The following MLLT3 variants were observed in gnomAD, a reference collection of about 807,000 sequenced individuals.
MLLT3 encodes protein AF-9.
A neutral mutation model predicts 53.2 loss-of-function variants in MLLT3; 4 were observed. The ratio of observed to expected loss-of-function variants is 0.08; its 90% CI spans 0.04 to 0.17. The LOEUF (loss-of-function observed/expected upper bound fraction) is 0.17, where lower values mean the gene tolerates loss of function less well. Ranked by LOEUF, MLLT3 falls within the 10% of genes least tolerant of loss-of-function variation. The pLI is 1.00. For synonymous variants in MLLT3, 283 were observed against 230.6 expected, an observed-to-expected ratio of 1.23 and a Z score of -2.06; for missense variants, 569 against 684.0, an observed-to-expected ratio of 0.83 and a Z score of 1.87.
In MLLT3 at chr9:20,345,615, T is replaced by C. The variant is rs1820846665; in HGVS notation, c.*828A>G. 1 of 209,158 alleles carries C rather than the reference T, an allele frequency of 4.8e-6. No individual in the cohort carries two copies. The highest frequency in any genetic ancestry group is 2.3e-5 in the African/African-American group (1 of 43,984). 13.0% of individuals were successfully genotyped at this position (209,158 alleles called of 1,614,324 possible). A position where few individuals can be genotyped will look rare whatever the true frequency, so the allele number is the denominator to read the frequency against. ...CTCAACAATGCTGGATTCAGGACAT[T>C]TACAGGTACACTTTTGTTTAAAAGT... On this transcript the variant is annotated 3_prime_UTR_variant, in exon 11 of 11. Coordinates refer to ENST00000380338, the MANE Select transcript of MLLT3 (RefSeq NM_004529.4).
At chr9:20,565,312 G>C (rs1029616861) in intron 2 of MLLT3, among the ~76,000 whole-genome samples, 1 of 151,998 alleles carries the variant, frequency 6.6e-6, no homozygotes, top group African/African-American at 2.4e-5. Flanking sequence ...AACAGTTTGG[G>C]CTAAGGAGTT....
rs561097000 is a variant in MLLT3, at chr9:20,342,344, A to G, written c.*4099T>C. ...ACACAAAAGCATGTACACATACACA[A>G]TGTATCTTTCAACATAACTACACAT... On this transcript the variant is annotated 3_prime_UTR_variant, in exon 11 of 11. Coordinates refer to ENST00000380338, the MANE Select transcript of MLLT3 (RefSeq NM_004529.4). The G allele has an allele frequency of 8.9e-6, 2 of 224,756 alleles. No individual in the cohort carries two copies. Among genetic ancestry groups the G allele is most frequent in the Admixed American group, 5.7e-5 (1 of 17,518 alleles). The allele number at this position is 224,756 out of a possible 1,614,324, so 13.9% of individuals were successfully genotyped here.
At chr9:20,581,580 T>C (rs1019472935) in intron 2 of MLLT3, among the ~76,000 whole-genome samples, 1 of 152,142 alleles carries the variant, frequency 6.6e-6, no homozygotes, top group Non-Finnish European at 1.5e-5. Flanking sequence ...CTTGGGATGG[T>C]TGACTCCTGT....
intron 2 of MLLT3, among the ~76,000 whole-genome samples, chr9:20,517,822 G>A (rs893798175): frequency 1.3e-5 from 2 of 151,214 alleles, no homozygotes; most frequent in African/African-American, 4.9e-5. Flanking sequence ...TGGGAGACAA[G>A]AGCAAAACTC....
chr9:20,612,269 C>T (rs535924259), intron 2 of MLLT3, among the ~76,000 whole-genome samples: 2 of 152,196 alleles, frequency 1.3e-5, no homozygotes, highest in South Asian at 2.1e-4. Flanking sequence ...AAAGGGTAAT[C>T]GAAGATGAAG....
At chr9:20,522,076 T>G (rs1208457460) in intron 2 of MLLT3, among the ~76,000 whole-genome samples, 1 of 150,314 alleles carries the variant, frequency 6.7e-6, no homozygotes, top group African/African-American at 2.4e-5. Flanking sequence ...TGTAAAAATG[T>G]AGAAACACAT....
At chr9:20,433,599 G>C (rs1280332132) in intron 4 of MLLT3, among the ~76,000 whole-genome samples, 1 of 152,142 alleles carries the variant, frequency 6.6e-6, no homozygotes, top group Non-Finnish European at 1.5e-5. Context: ...TCAATGAGAA[G>C]AGTGCAGATA....
chr9:20,613,685 T>C (rs1025179991), intron 2 of MLLT3, among the ~76,000 whole-genome samples: 4 of 152,140 alleles, frequency 2.6e-5, no homozygotes, highest in Middle Eastern at 3.4e-3. Context: ...ATGAAAGATA[T>C]GTGGCACTGC....
chr9:20,485,069 A>T (rs1824773286), intron 2 of MLLT3, among the ~76,000 whole-genome samples: 1 of 151,450 alleles, frequency 6.6e-6, no homozygotes, highest in South Asian at 2.1e-4. Flanking sequence ...GCTCACTACA[A>T]CCTCCATCTC....
At chr9:20,475,084 T>A (rs973572511) in intron 2 of MLLT3, among the ~76,000 whole-genome samples, 2 of 152,058 alleles carry the variant, frequency 1.3e-5, no homozygotes, top group Non-Finnish European at 2.9e-5. Context: ...ACTGAATGAA[T>A]GAATGAAAAA....
intron 8 of MLLT3, among the ~76,000 whole-genome samples, chr9:20,356,721 T>A (rs911091411): frequency 2.0e-5 from 3 of 152,228 alleles, no homozygotes; most frequent in Non-Finnish European, 4.4e-5. Flanking sequence ...AGAACTTTGC[T>A]AACTAGGTTT....
At chr9:20,555,862 C>T (rs1411013888) in intron 2 of MLLT3, among the ~76,000 whole-genome samples, 1 of 152,190 alleles carries the variant, frequency 6.6e-6, no homozygotes, top group Non-Finnish European at 1.5e-5. Flanking sequence ...TTGCTTCAAA[C>T]AAAATTACAG....
chr9:20,512,780 T>C (rs1051613769), intron 2 of MLLT3, among the ~76,000 whole-genome samples: 15 of 152,256 alleles, frequency 9.9e-5, no homozygotes, highest in Admixed American at 9.2e-4. Flanking sequence ...TGCTTCTAAC[T>C]ATACTGCCAC....
Position 20,440,121 on chromosome 9 carries a change from G to C in MLLT3, c.420+8002C>G, listed in dbSNP as rs548202345. On this transcript the variant is annotated intron_variant, in intron 4 of 10. Transcript: ENST00000380338. ...CTGCTGACTACTTAACTATGTACCA[G>C]ATAGCATTTAATAATCTCAAATGGG... 2.6e-5 allele frequency among the ~76,000 whole-genome samples: 4 copies of C among 152,236 alleles called. No homozygotes were observed. In the East Asian group the frequency reaches 7.7e-4, roughly 29 times the overall value.
At chr9:20,487,968 T>A (rs1824855570) in intron 2 of MLLT3, among the ~76,000 whole-genome samples, 6 of 152,156 alleles carry the variant, frequency 3.9e-5, no homozygotes. Context: ...TATTCATATA[T>A]TCCAAATGTT....
chr9:20,613,108 C>T (rs997061339), intron 2 of MLLT3, among the ~76,000 whole-genome samples: 23 of 152,054 alleles, frequency 1.5e-4, no homozygotes, highest in Non-Finnish European at 1.0e-4. Context: ...AATGACGTGG[C>T]TCTTTATAGA....
intron 2 of MLLT3, among the ~76,000 whole-genome samples, chr9:20,579,885 G>T (rs1343786542): frequency 1.3e-5 from 2 of 152,256 alleles, no homozygotes; most frequent in East Asian, 3.9e-4. Context: ...TTTCTCTAGG[G>T]GGAGAGAAGA....
intron 2 of MLLT3, among the ~76,000 whole-genome samples, chr9:20,538,292 C>T (rs2119006977): frequency 1.3e-5 from 2 of 152,292 alleles, no homozygotes; most frequent in South Asian, 4.1e-4. Flanking sequence ...TAGTTTCTAA[C>T]ATTATCTTCA....
At chr9:20,370,764 G>C (rs1821579665) in intron 5 of MLLT3, among the ~76,000 whole-genome samples, 1 of 152,066 alleles carries the variant, frequency 6.6e-6, no homozygotes, top group African/African-American at 2.4e-5. Flanking sequence ...ACCTGCCTTG[G>C]CCTCCCAAAC....
Sources: gnomAD v4.1 joint callset for allele counts (sites outside exome capture counted in the v4.1 genomes callset) on GRCh38, gnomAD v4.1.1 for gene constraint, MANE v1.5 for transcripts, NCBI Gene and HGNC (gene_info 2026-07-23, HGNC 2026-07-21) for gene names.